The following CNTNAP2 variants were observed in gnomAD, a reference collection of about 807,000 sequenced individuals.
CNTNAP2 encodes the protein contactin associated protein 2.
Under a neutral mutation model 155.2 loss-of-function variants are expected in CNTNAP2, and 98 were observed. The observed-to-expected ratio is 0.63, with a 90% CI of 0.54 to 0.75. The LOEUF (loss-of-function observed/expected upper bound fraction) is 0.75, where lower values mean the gene tolerates loss of function less well. Ranked by LOEUF, CNTNAP2 falls within the 30% of genes least tolerant of loss-of-function variation. CNTNAP2 has a pLI of 0.00. For missense variants in CNTNAP2, 1,727 were observed against 1,688.1 expected (o/e 1.02, Z -0.40); for synonymous variants, 651 against 631.2 (o/e 1.03, Z -0.47).
At chr7:146,975,479 TA>T in intron 3 of CNTNAP2, among the ~76,000 whole-genome samples, 1 of 151,584 alleles carries the variant, frequency 6.6e-6, no homozygotes, top group East Asian at 1.9e-4. Flanking sequence ...AAAATAATAA[TA>T]AACAAAAAAA....
At chr7:148,046,467 A>G (rs554462785) in intron 15 of CNTNAP2, among the ~76,000 whole-genome samples, 282 of 152,264 alleles carry the variant, frequency 1.9e-3, no homozygotes, top group African/African-American at 6.7e-3. Context: ...TTTTTATACT[A>G]TTCTAATTTA....
At chr7:147,596,273 C>T (rs1464904387) in intron 12 of CNTNAP2, among the ~76,000 whole-genome samples, 1 of 152,162 alleles carries the variant, frequency 6.6e-6, no homozygotes, top group Non-Finnish European at 1.5e-5. Flanking sequence ...CTGCCATATC[C>T]AACCCACCAA....
At chr7:147,719,029 T>C (rs1796523383) in intron 13 of CNTNAP2, among the ~76,000 whole-genome samples, 2 of 152,154 alleles carry the variant, frequency 1.3e-5, no homozygotes, top group Non-Finnish European at 2.9e-5. Context: ...TAAGGAATAA[T>C]GGGCATAAAG....
At chr7:147,007,312 A>G (rs533700894) in intron 3 of CNTNAP2, among the ~76,000 whole-genome samples, 82 of 152,144 alleles carry the variant, frequency 5.4e-4, no homozygotes, top group Non-Finnish European at 9.4e-4. Flanking sequence ...TGCTCTAACC[A>G]CAGAGCATAA....
intron 18 of CNTNAP2, among the ~76,000 whole-genome samples, chr7:148,206,617 C>T (rs1161452447): frequency 6.6e-6 from 1 of 152,214 alleles, no homozygotes; most frequent in Non-Finnish European, 1.5e-5. Context: ...TCGTTCCTGA[C>T]GCTGACTGCA....
chr7:147,867,817 C>G (rs895437977), intron 13 of CNTNAP2, among the ~76,000 whole-genome samples: 1 of 152,118 alleles, frequency 6.6e-6, no homozygotes, highest in African/African-American at 2.4e-5. Flanking sequence ...TCAAGGTTTT[C>G]TCCACACTGT....
At chr7:146,911,113 C>T (rs1796265564) in intron 3 of CNTNAP2, among the ~76,000 whole-genome samples, 1 of 152,098 alleles carries the variant, frequency 6.6e-6, no homozygotes, top group Non-Finnish European at 1.5e-5. Context: ...GAGATATCAT[C>T]TCACACCAGT....
chr7:148,374,197 T>A lies in CNTNAP2; in HGVS notation c.3476-9452T>A, dbSNP rs188952367. ...TCATGCGATCTTAGTCCTCAAAGGATTTTTTTTTCTTCTCTTGGGTAAGAT... is the reference window on the plus strand; with the variant it reads ...TCATGCGATCTTAGTCCTCAAAGGAATTTTTTTTCTTCTCTTGGGTAAGAT... On this transcript the variant is annotated intron_variant, in intron 21 of 23. Coordinates refer to ENST00000361727, the MANE Select transcript of CNTNAP2 (RefSeq NM_014141.6). Among the ~76,000 whole-genome samples, 268 of 150,768 alleles carry A rather than the reference T, an allele frequency of 1.8e-3. 1 individual carries two copies. The highest frequency in any genetic ancestry group is 6.2e-3 in the African/African-American group (255 of 41,182).
chr7:147,496,820 T>A (rs978561743), intron 11 of CNTNAP2: 6 of 152,084 alleles, frequency 3.9e-5, no homozygotes, highest in Non-Finnish European at 8.8e-5. Flanking sequence ...AAAATCATGA[T>A]AAACAGAACT....
At chr7:147,315,953 G>A (rs999847811) in intron 9 of CNTNAP2, among the ~76,000 whole-genome samples, 1 of 151,666 alleles carries the variant, frequency 6.6e-6, no homozygotes, top group South Asian at 2.1e-4. Flanking sequence ...ATACATATAT[G>A]TGTGTATATA....
intron 1 of CNTNAP2, among the ~76,000 whole-genome samples, chr7:146,246,483 T>C (rs1249273514): frequency 2.0e-5 from 3 of 150,042 alleles, no homozygotes; most frequent in Admixed American, 6.6e-5. Context: ...ACAACAGTTA[T>C]GGAGGCAAGG....
intron 9 of CNTNAP2, among the ~76,000 whole-genome samples, chr7:147,332,221 A>G (rs1450304049): frequency 1.3e-5 from 2 of 152,178 alleles, no homozygotes; most frequent in Admixed American, 6.5e-5. Flanking sequence ...TGGTTCAACT[A>G]TATGTACTAT....
intron 8 of CNTNAP2, among the ~76,000 whole-genome samples, chr7:147,183,198 T>C (rs922610537): frequency 1.3e-5 from 2 of 151,882 alleles, no homozygotes; most frequent in African/African-American, 4.8e-5. Flanking sequence ...TAAATTAAAA[T>C]ACAAAAAAAT....
At chr7:146,554,966 G>A (rs1798175811) in intron 1 of CNTNAP2, among the ~76,000 whole-genome samples, 1 of 152,102 alleles carries the variant, frequency 6.6e-6, no homozygotes, top group Admixed American at 6.6e-5. Flanking sequence ...CGTATTATTT[G>A]TCCCATTTTC....
At chr7:147,097,980 C>T (rs1800578455) in intron 4 of CNTNAP2, among the ~76,000 whole-genome samples, 1 of 152,046 alleles carries the variant, frequency 6.6e-6, no homozygotes. Context: ...GTATAAAATC[C>T]CTAACTGCTT....
At chr7:147,903,854 A>C (rs1437880411) in intron 14 of CNTNAP2, 133 bp downstream of exon 14, 15 of 1,142,868 alleles carry the variant, frequency 1.3e-5, no homozygotes, top group Admixed American at 1.0e-4. Flanking sequence ...GAACTAACCC[A>C]ACTGACAAAT....
intron 1 of CNTNAP2, among the ~76,000 whole-genome samples, chr7:146,575,538 T>C (rs1409799629): frequency 6.6e-6 from 1 of 152,204 alleles, no homozygotes; most frequent in Non-Finnish European, 1.5e-5. Context: ...TACATTTGTA[T>C]ATTTAAGTAC....
chr7:147,376,865 C>T (rs758457787), intron 9 of CNTNAP2, among the ~76,000 whole-genome samples: 2 of 151,856 alleles, frequency 1.3e-5, no homozygotes, highest in Non-Finnish European at 1.5e-5. Context: ...GATCTCAATA[C>T]GTTTATACTA....
rs570708939 is a variant in CNTNAP2 at position 147,935,230 on chromosome 7, G to A, written c.2255+31509G>A. On this transcript the variant is annotated intron_variant, in intron 14 of 23. Coordinates refer to ENST00000361727, the MANE Select transcript of CNTNAP2 (RefSeq NM_014141.6). ...CAATCTGTGCCTCCCGGGGTCAAGC[G>A]ACTCTCCTGCCTCAGCCTCCAGAGT... 5.9e-5 allele frequency among the ~76,000 whole-genome samples: 9 copies of A among 151,944 alleles called. No homozygotes were observed. In the South Asian group the frequency reaches 6.2e-4, roughly 11 times the overall value.
Sources: gnomAD v4.1 joint callset for allele counts (sites outside exome capture counted in the v4.1 genomes callset) on GRCh38, gnomAD v4.1.1 for gene constraint, MANE v1.5 for transcripts, NCBI Gene and HGNC (gene_info 2026-07-23, HGNC 2026-07-21) for gene names.